The following GRM3 variants were observed in gnomAD, a reference collection of about 807,000 sequenced individuals.
GRM3 encodes the protein glutamate metabotropic receptor 3.
Under a neutral mutation model 70.5 loss-of-function variants are expected in GRM3, and 26 were observed. The observed-to-expected ratio is 0.37, with a 90% CI of 0.27 to 0.51. The LOEUF is 0.51. Ranked by LOEUF, GRM3 falls within the 20% of genes least tolerant of loss-of-function variation. The pLI, the probability that GRM3 is intolerant of heterozygous loss-of-function variation, is 0.93. For missense variants in GRM3, 859 were observed against 1,123.8 expected (o/e 0.76, Z 3.37); for synonymous variants, 443 against 434.9 (o/e 1.02, Z -0.23).
chr7:86,744,134 G>C (rs2116331989), intron 1 of GRM3, among the ~76,000 whole-genome samples: 1 of 152,068 alleles, frequency 6.6e-6, no homozygotes, highest in East Asian at 2.0e-4. Context: ...CCCACACCCA[G>C]GTCTGGGCAT....
At chr7:86,813,209 G>A (rs1562872372) in intron 3 of GRM3, among the ~76,000 whole-genome samples, 2 of 151,690 alleles carry the variant, frequency 1.3e-5, no homozygotes, top group Non-Finnish European at 2.9e-5. Context: ...TAATTAACTA[G>A]ATAAAAGGTT....
chr7:86,764,622 T>C (rs888548896), intron 1 of GRM3, among the ~76,000 whole-genome samples: 2 of 152,004 alleles, frequency 1.3e-5, no homozygotes, highest in Non-Finnish European at 2.9e-5. Flanking sequence ...AGAAGGGATA[T>C]AAACTCACAT....
chr7:86,761,070 C>T (rs1004307288), intron 1 of GRM3, among the ~76,000 whole-genome samples: 24 of 152,086 alleles, frequency 1.6e-4, no homozygotes, highest in African/African-American at 5.8e-4. Flanking sequence ...AACAGAGATG[C>T]ATACTTTTCT....
chr7:86,760,862 AG>A (rs1796462337), intron 1 of GRM3, among the ~76,000 whole-genome samples: 1 of 152,156 alleles, frequency 6.6e-6, no homozygotes, highest in Non-Finnish European at 1.5e-5. Flanking sequence ...CAGAGCTAAA[AG>A]GAAAAAATAT....
intron 3 of GRM3, among the ~76,000 whole-genome samples, chr7:86,828,770 T>C (rs1468234228): frequency 6.6e-6 from 1 of 152,190 alleles, no homozygotes; most frequent in Non-Finnish European, 1.5e-5. Flanking sequence ...ACAAGGAAGT[T>C]TGCCACAATA....
intron 2 of GRM3, among the ~76,000 whole-genome samples, chr7:86,783,408 T>C (rs1797129857): frequency 2.0e-5 from 3 of 152,184 alleles, no homozygotes; most frequent in African/African-American, 7.2e-5. Context: ...CATATGGCTA[T>C]GAACAAGTTT....
At chr7:86,777,897 C>A (rs368035431) in intron 2 of GRM3, among the ~76,000 whole-genome samples, 31 of 152,276 alleles carry the variant, frequency 2.0e-4, no homozygotes, top group African/African-American at 6.7e-4. Context: ...ACACTGAGGT[C>A]TCTAAACATC....
At chr7:86,693,756 C>G (rs1372798275) in intron 1 of GRM3, among the ~76,000 whole-genome samples, 1 of 152,240 alleles carries the variant, frequency 6.6e-6, no homozygotes, top group Non-Finnish European at 1.5e-5. Context: ...TATAGAAACT[C>G]AATTCATTGC....
At chr7:86,681,980 C>A (rs1794452787) in intron 1 of GRM3, among the ~76,000 whole-genome samples, 1 of 152,092 alleles carries the variant, frequency 6.6e-6, no homozygotes, top group Non-Finnish European at 1.5e-5. Flanking sequence ...AGTTACGTTG[C>A]CTAAAGTATA....
At chr7:86,655,851 TGG>T (rs386410655) in intron 1 of GRM3, among the ~76,000 whole-genome samples, 39,697 of 139,212 alleles carry the variant, frequency 0.29, 5,168 homozygotes, top group African/African-American at 0.33. Context: ...TGTGTGTGTG[TGG>T]GTGGGTGGGT....
intron 5 of GRM3, among the ~76,000 whole-genome samples, chr7:86,856,526 G>A (rs1233946998): frequency 6.7e-6 from 1 of 149,998 alleles, no homozygotes; most frequent in East Asian, 2.0e-4. Context: ...CTTGAAATCT[G>A]TGCAGCAAAC....
At position 86,724,212 on chromosome 7, in the gene GRM3, T is replaced by C. The variant is rs17160935; in HGVS notation, c.-140-40794T>C. Among the ~76,000 whole-genome samples the C allele has an allele frequency of 9.5e-3, 1,441 of 152,138 alleles. 18 individuals are homozygous for C. Among genetic ancestry groups the C allele is most frequent in the African/African-American group, 0.033 (1,371 of 41,510 alleles). On this transcript the variant is annotated intron_variant, in intron 1 of 5. Transcript: ENST00000361669. ...AAATAGGTTAAATAGAATGCTCTTA[T>C]CATTCTTGAAAATAAAATAGTAGGA...
At chr7:86,851,808 C>G (rs1467933811) in intron 5 of GRM3, among the ~76,000 whole-genome samples, 1 of 152,080 alleles carries the variant, frequency 6.6e-6, no homozygotes, top group East Asian at 1.9e-4. Context: ...AGGTCGTTTT[C>G]CATGGATCTT....
intron 3 of GRM3, among the ~76,000 whole-genome samples, chr7:86,829,459 T>C (rs901497670): frequency 6.6e-6 from 1 of 152,238 alleles, no homozygotes; most frequent in African/African-American, 2.4e-5. Context: ...TGAGCTTATC[T>C]CAGCTTTCAA....
chr7:86,706,946 A>G (rs767243276), intron 1 of GRM3, among the ~76,000 whole-genome samples: 1 of 152,124 alleles, frequency 6.6e-6, no homozygotes, highest in Admixed American at 6.6e-5. Context: ...TTTTGCACTT[A>G]GATATTTTTC....
At chr7:86,774,327 C>T (rs1258252821) in intron 2 of GRM3, among the ~76,000 whole-genome samples, 1 of 152,026 alleles carries the variant, frequency 6.6e-6, no homozygotes, top group Non-Finnish European at 1.5e-5. Flanking sequence ...TTCTAATTAG[C>T]AGACTTTGGG....
intron 4 of GRM3, among the ~76,000 whole-genome samples, chr7:86,840,527 A>G (rs1473776933): frequency 6.6e-6 from 1 of 152,146 alleles, no homozygotes; most frequent in Non-Finnish European, 1.5e-5. Flanking sequence ...CCTAATTAAC[A>G]TATAATAGGG....
At chr7:86,768,104 T>G (rs1457046496) in intron 2 of GRM3, among the ~76,000 whole-genome samples, 1 of 133,780 alleles carries the variant, frequency 7.5e-6, no homozygotes, top group African/African-American at 2.8e-5. Flanking sequence ...AAGACCTGAG[T>G]TTGAATTCCA....
At chr7:86,646,166 C>T (rs1191211197) in intron 1 of GRM3, among the ~76,000 whole-genome samples, 1 of 152,120 alleles carries the variant, frequency 6.6e-6, no homozygotes, top group Non-Finnish European at 1.5e-5. Flanking sequence ...CTATGGATAA[C>T]AGTTCCTAAC....
Sources: gnomAD v4.1 joint callset for allele counts (sites outside exome capture counted in the v4.1 genomes callset) on GRCh38, gnomAD v4.1.1 for gene constraint, MANE v1.5 for transcripts, NCBI Gene and HGNC (gene_info 2026-07-23, HGNC 2026-07-21) for gene names.